Variants in RIMOC1 observed in about 807,000 individuals in gnomAD.
RIMOC1 encodes the protein RAB7A-interacting MON1-CCZ1 complex subunit 1.
At chr5:41,904,376 C>A in the RIMOC1 span, 6 of 1,613,366 alleles carry the variant, frequency 3.7e-6, no homozygotes, top group African/African-American at 6.7e-5. Context: ...CCATGGCGGC[C>A]GCAGTCTCTA....
chr5:41,911,240 C>G, the RIMOC1 span: 2 of 1,497,280 alleles, frequency 1.3e-6, no homozygotes, highest in South Asian at 1.3e-5. Context: ...AAAAAGCTGT[C>G]TTTGTTGTAC....
the RIMOC1 span, among the ~76,000 whole-genome samples, chr5:41,911,722 C>T: frequency 1.4e-3 from 211 of 152,300 alleles, no homozygotes; most frequent in Non-Finnish European, 2.3e-3. Flanking sequence ...TAAATTATAA[C>T]CACATACATG....
At chr5:41,916,934 A>G in the RIMOC1 span, 1 of 1,257,006 alleles carries the variant, frequency 8.0e-7, no homozygotes, top group Non-Finnish European at 1.1e-6. Flanking sequence ...GACAAAAGGA[A>G]CTTTAATTAG....
At chr5:41,920,753 C>A in the RIMOC1 span, 1 of 152,134 alleles carries the variant, frequency 6.6e-6, no homozygotes, top group African/African-American at 2.4e-5. Context: ...TTCTTTCTTA[C>A]AGAAGTTCTG....
the RIMOC1 span, chr5:41,917,620 TA>T: frequency 1.0e-6 from 1 of 987,720 alleles, no homozygotes; most frequent in East Asian, 9.3e-5. Flanking sequence ...TATTGTGGTA[TA>T]TGTAACACAA....
At chr5:41,907,978 T>G in the RIMOC1 span, 1 of 627,942 alleles carries the variant, frequency 1.6e-6, no homozygotes, top group Non-Finnish European at 2.7e-6. Flanking sequence ...AAACTATGAA[T>G]AAAACACAAA....
the RIMOC1 span, chr5:41,921,262 T>G: frequency 6.6e-6 from 1 of 152,600 alleles, no homozygotes; most frequent in Non-Finnish European, 1.5e-5. Context: ...ATTCTTAGAT[T>G]CATTTTAACC....
chr5:41,915,096 A>G, the RIMOC1 span, among the ~76,000 whole-genome samples: 4 of 152,166 alleles, frequency 2.6e-5, no homozygotes, highest in South Asian at 2.1e-4. Flanking sequence ...CATTATCTGT[A>G]TATCATTAAA....
the RIMOC1 span, chr5:41,917,557 G>A: frequency 1.8e-6 from 2 of 1,123,884 alleles, no homozygotes; most frequent in African/African-American, 3.2e-5. Context: ...CACTAATAAT[G>A]AGTAGTAACC....
the RIMOC1 span, chr5:41,909,962 A>AT: frequency 3.2e-6 from 4 of 1,267,190 alleles, no homozygotes; most frequent in Admixed American, 8.9e-5. Context: ...TTTGGAGTCT[A>AT]TATTTTTTTC....
At chr5:41,904,506 G>C in the RIMOC1 span, 1 of 1,585,152 alleles carries the variant, frequency 6.3e-7, no homozygotes, top group East Asian at 2.3e-5. Flanking sequence ...CGGGGCAGAC[G>C]GCGCTAAGGT....
At chr5:41,912,193 T>C in the RIMOC1 span, 2 of 1,454,796 alleles carry the variant, frequency 1.4e-6, 1 homozygote, top group Non-Finnish European at 1.9e-6. Flanking sequence ...GGTAATGTGA[T>C]CTCTCATTAA....
chr5:41,905,039 T>C, the RIMOC1 span, among the ~76,000 whole-genome samples: 1 of 152,232 alleles, frequency 6.6e-6, no homozygotes, highest in Non-Finnish European at 1.5e-5. Context: ...GTCTAAGCTG[T>C]TAGGAAAAAC....
At chr5:41,913,743 A>G in the RIMOC1 span, among the ~76,000 whole-genome samples, 1 of 152,142 alleles carries the variant, frequency 6.6e-6, no homozygotes, top group Non-Finnish European at 1.5e-5. Flanking sequence ...TCATAGAAAA[A>G]AAATAGTGAT....
the RIMOC1 span, chr5:41,918,597 GA>G: frequency 1.0e-6 from 1 of 985,340 alleles, no homozygotes; most frequent in Non-Finnish European, 1.2e-6. Context: ...AGTTCTTTGT[GA>G]TGGGTAGTCC....
At chr5:41,904,549 T>A in the RIMOC1 span, 1 of 1,326,880 alleles carries the variant, frequency 7.5e-7, no homozygotes, top group South Asian at 1.3e-5. Flanking sequence ...GGCTAGAGGC[T>A]GAGGCCTGTG....
chr5:41,911,962 A>G, the RIMOC1 span: 1 of 742,606 alleles, frequency 1.3e-6, no homozygotes, highest in Admixed American at 2.0e-5. Context: ...CTATGCCTAT[A>G]TATTAACCAA....
chr5:41,919,149 C>CT, the RIMOC1 span: 6 of 152,142 alleles, frequency 3.9e-5, no homozygotes, highest in African/African-American at 1.4e-4. Flanking sequence ...TTCTAACTGT[C>CT]TATCAAATAT....
the RIMOC1 span, among the ~76,000 whole-genome samples, chr5:41,909,480 TAAAAC>T: frequency 1.3e-5 from 2 of 152,150 alleles, no homozygotes; most frequent in Non-Finnish European, 2.9e-5. Context: ...TTCTGTAAAT[TAAAAC>T]AAAGCTCTAT....
Sources: allele counts gnomAD v4.1 joint callset (sites outside exome capture counted in the v4.1 genomes callset), GRCh38; gene constraint gnomAD v4.1.1; transcripts MANE v1.5; gene names NCBI Gene and HGNC (gene_info 2026-07-23, HGNC 2026-07-21).